The following WHRN variants were observed in gnomAD, a reference collection of about 807,000 sequenced individuals.
WHRN encodes CASK-interacting protein CIP98.
WHRN carries 41 observed loss-of-function variants against 68.3 expected under a neutral mutation model. The observed-to-expected ratio is 0.60, with a 90% CI of 0.47 to 0.78. The LOEUF (loss-of-function observed/expected upper bound fraction) is 0.78, where lower values mean the gene tolerates loss of function less well. Ranked by LOEUF, WHRN falls within the 30% of genes least tolerant of loss-of-function variation. WHRN has a pLI of 0.00. For missense variants in WHRN, 1,243 were observed against 1,244.7 expected, an observed-to-expected ratio of 1.00 and a Z score of 0.02; for synonymous variants, 560 against 561.3, an observed-to-expected ratio of 1.00 and a Z score of 0.03.
chr9:114,504,360 C>T lies in WHRN; in HGVS notation c.442G>A (p.Ala148Thr). 1 of 1,607,504 alleles carries T rather than the reference C, an allele frequency of 6.2e-7. No homozygotes were observed. Among genetic ancestry groups the T allele is most frequent in the South Asian group, 1.1e-5 (1 of 91,080 alleles). Residue 148 changes from alanine to threonine, a missense_variant, in exon 1 of 12, where the codon GCC becomes ACC. Ala to Thr is a moderately conservative substitution (Grantham distance 58, BLOSUM62 0). Transcript: ENST00000362057. ...ATGCTGAAGCCCAAGCCCTCGTGGG[C>T]CTTGGCACGCCGCAAACTCACCAGG... ...VRLVSLRRAKAHEGLGFSIRG... is the reference protein window; with the variant it reads ...VRLVSLRRAKTHEGLGFSIRG...
intron 1 of WHRN, among the ~76,000 whole-genome samples, chr9:114,501,229 T>C (rs10817630): frequency 0.11 from 16,561 of 152,236 alleles, 1,243 homozygotes; most frequent in East Asian, 0.36. Flanking sequence ...TACTTTTTTA[T>C]TATTATTAGT....
intron 1 of WHRN, among the ~76,000 whole-genome samples, chr9:114,501,641 C>A (rs1843939238): frequency 6.6e-6 from 1 of 151,888 alleles, no homozygotes. Context: ...ACCCCACCTT[C>A]CATCGCAGGA....
chr9:114,406,889 C>G lies in WHRN; in HGVS notation c.1702G>C (p.Asp568His). 1 of 1,571,682 alleles carries G rather than the reference C, an allele frequency of 6.4e-7. No homozygotes were observed. The highest frequency in any genetic ancestry group is 8.6e-7 in the Non-Finnish European group (1 of 1,158,468). The change falls in exon 9 of 12, where the codon GAT (aspartate) becomes CAT (histidine). Residue 568 changes from aspartate to histidine, a missense_variant. Physicochemically the swap from Asp to His is moderately conservative, Grantham distance 81. Coordinates refer to ENST00000362057, the MANE Select transcript of WHRN (RefSeq NM_015404.4). The stretch of plus-strand genomic sequence containing the variant: ...AGCCCCTGGGAGGTGGATCTGACAT[C>G]ATCCTGCCAAAAGACCCAACAGGCG... ...INALPDVSVD[D>H]VRSTSQGLSS... is the part of the protein sequence containing the mutation.
At chr9:114,484,465 CTT>C (rs1225058699) in intron 1 of WHRN, among the ~76,000 whole-genome samples, 1 of 152,254 alleles carries the variant, frequency 6.6e-6, no homozygotes, top group African/African-American at 2.4e-5. Context: ...TCTCCTTTCT[CTT>C]TACTTAGAGG....
chr9:114,419,067 T>C (rs1420362236), intron 7 of WHRN, among the ~76,000 whole-genome samples: 1 of 152,082 alleles, frequency 6.6e-6, no homozygotes, highest in Non-Finnish European at 1.5e-5. Flanking sequence ...GACGAAATGA[T>C]GCTTAACAGG....
intron 3 of WHRN, among the ~76,000 whole-genome samples, chr9:114,427,117 C>T (rs1836946224): frequency 6.6e-6 from 1 of 152,130 alleles, no homozygotes; most frequent in Non-Finnish European, 1.5e-5. Context: ...AATAGCCGGG[C>T]ACAGTCGTGT....
chr9:114,453,992 T>C (rs375939488), intron 3 of WHRN, among the ~76,000 whole-genome samples: 9 of 152,358 alleles, frequency 5.9e-5, no homozygotes, highest in African/African-American at 1.7e-4. Flanking sequence ...ATACAAGGAA[T>C]GCAAGGCTGT....
intron 3 of WHRN, among the ~76,000 whole-genome samples, chr9:114,442,065 C>A (rs991299101): frequency 6.6e-6 from 1 of 152,042 alleles, no homozygotes; most frequent in African/African-American, 2.4e-5. Flanking sequence ...TCAGATATCC[C>A]AAATAGAGAA....
chr9:114,491,395 T>C (rs1362812606), intron 1 of WHRN, among the ~76,000 whole-genome samples: 1 of 152,224 alleles, frequency 6.6e-6, no homozygotes, highest in Non-Finnish European at 1.5e-5. Flanking sequence ...TGCAAAACTC[T>C]TGTGATAAAT....
chr9:114,480,415 G>C (rs1054815394), intron 1 of WHRN, among the ~76,000 whole-genome samples: 1 of 152,166 alleles, frequency 6.6e-6, no homozygotes, highest in Non-Finnish European at 1.5e-5. Flanking sequence ...GGCCTTTAGG[G>C]GGTAACTGGA....
chr9:114,496,237 G>A lies in WHRN; in HGVS notation c.618+7947C>T, dbSNP rs190587702. On this transcript the variant is annotated intron_variant, in intron 1 of 11. Coordinates refer to ENST00000362057, the MANE Select transcript of WHRN (RefSeq NM_015404.4). ...CCAGGGGACAATGCTGTCACACTCT[G>A]GGTCATGCAACTGTCTGGTATGCCA... is the stretch of plus-strand genomic sequence containing the variant. Among the ~76,000 whole-genome samples the A allele has an allele frequency of 2.5e-4, 38 of 152,266 alleles. No homozygotes were observed. In the East Asian group the frequency reaches 5.0e-3, roughly 20 times the overall value.
rs752552369 is a variant in WHRN at position 114,504,232 on chromosome 9, G to A, written c.570C>T (p.Arg190=). The A allele has an allele frequency of 1.2e-6, 2 of 1,614,146 alleles. No homozygotes were observed. Among genetic ancestry groups the A allele is most frequent in the African/African-American group, 2.7e-5 (2 of 75,052 alleles). The change falls in exon 1 of 12, where the codon CGC becomes CGT. Residue 190 remains arginine, a synonymous_variant. Transcript: ENST00000362057. ...CCCGGGCCAGGGATTTGTCGTTGAC[G>A]CGCAGAATCTGGTCCCCGACCCGCA... is the stretch of plus-strand genomic sequence containing the variant. ...EGLRVGDQIL[R]VNDKSLARVT...
At chr9:114,420,234 T>C (rs1836161306) in intron 7 of WHRN, among the ~76,000 whole-genome samples, 1 of 152,180 alleles carries the variant, frequency 6.6e-6, no homozygotes, top group East Asian at 1.9e-4. Flanking sequence ...CTTGAATGCT[T>C]TGGGCAGGAA....
intron 3 of WHRN, among the ~76,000 whole-genome samples, chr9:114,436,132 C>G (rs543333530): frequency 6.6e-5 from 10 of 152,294 alleles, no homozygotes; most frequent in Admixed American, 6.5e-4. Flanking sequence ...TCTGAAAAGG[C>G]TACACACTGC....
chr9:114,485,272 G>A (rs184755002), intron 1 of WHRN, among the ~76,000 whole-genome samples: 50 of 152,314 alleles, frequency 3.3e-4, no homozygotes, highest in Admixed American at 4.6e-4. Flanking sequence ...CTTCGCAGCC[G>A]CACCTTGCCT....
At chr9:114,404,200 A>G (rs1458153759) in intron 9 of WHRN, 123 bp from the exon 10 acceptor site, 4 of 1,075,856 alleles carry the variant, frequency 3.7e-6, no homozygotes, top group Admixed American at 4.0e-5. Flanking sequence ...AAGATGGGGG[A>G]AGGAATGAAG....
At chr9:114,465,512 C>T (rs1453553144) in intron 3 of WHRN, among the ~76,000 whole-genome samples, 2 of 152,232 alleles carry the variant, frequency 1.3e-5, no homozygotes, top group Non-Finnish European at 2.9e-5. Flanking sequence ...CACATCACTG[C>T]TGCTGTGGCA....
chr9:114,403,434 G>A (rs965765599), intron 10 of WHRN, 95 bp from the exon 11 acceptor site: 1 of 1,533,028 alleles, frequency 6.5e-7, no homozygotes, highest in African/African-American at 1.4e-5. Context: ...TGGGTCAGCA[G>A]AGCTCAGGCT....
intron 3 of WHRN, among the ~76,000 whole-genome samples, chr9:114,459,904 T>G (rs146899703): frequency 0.011 from 1,701 of 152,352 alleles, 30 homozygotes; most frequent in African/African-American, 0.039. Context: ...TGTTGAAATG[T>G]GATCCCCAGT....
Sources: allele counts gnomAD v4.1 joint callset (sites outside exome capture counted in the v4.1 genomes callset), GRCh38; gene constraint gnomAD v4.1.1; transcripts MANE v1.5; gene names NCBI Gene and HGNC (gene_info 2026-07-23, HGNC 2026-07-21).